Variants in TXNRD1 observed in about 807,000 individuals in gnomAD.
TXNRD1 encodes thioredoxin reductase 1, also known as thioredoxin reductase 1, cytoplasmic.
A neutral mutation model predicts 80.3 loss-of-function variants in TXNRD1; 57 were observed. The observed-to-expected ratio is 0.71, with a 90% confidence interval of 0.57 to 0.89. The LOEUF (loss-of-function observed/expected upper bound fraction) is 0.89, where lower values mean the gene tolerates loss of function less well. Among genes scored for constraint, TXNRD1 ranks in the 40% least tolerant of loss-of-function variants. The pLI is 0.00. For missense variants in TXNRD1, 730 were observed against 803.0 expected (o/e 0.91, Z 1.10); for synonymous variants, 291 against 285.2 (o/e 1.02, Z -0.20).
Position 104,254,642 on chromosome 12 carries a change from AAAATAT to A in TXNRD1, c.243+2966_243+2971del, listed in dbSNP as rs1424865879. Among the ~76,000 whole-genome samples, 8 of 104,554 alleles carry A rather than the reference AAAATAT, an allele frequency of 7.7e-5. No individual in the cohort carries two copies. In the East Asian group the frequency reaches 7.9e-4, roughly 10 times the overall value. 68.6% of individuals were successfully genotyped at this position (104,554 alleles called of 152,430 possible). The stretch of plus-strand genomic sequence containing the variant: ...CTCTATGTCTATGGAAAAAAAAAAA[AAAATAT>A]ATATATATATATATATATCAGCATG... On this transcript the variant is annotated intron_variant, in intron 2 of 16. Transcript: ENST00000525566.
chr12:104,332,659 G>T (rs377050956), intron 14 of TXNRD1, among the ~76,000 whole-genome samples: 1 of 144,924 alleles, frequency 6.9e-6, no homozygotes, highest in Admixed American at 7.3e-5. Flanking sequence ...TGAGGCAGGA[G>T]AATCGCTTGA....
At chr12:104,276,849 A>T (rs1382636026) in intron 3 of TXNRD1, among the ~76,000 whole-genome samples, 1 of 152,224 alleles carries the variant, frequency 6.6e-6, no homozygotes, top group Non-Finnish European at 1.5e-5. Flanking sequence ...GGTTATTGAG[A>T]TGACTGAGAA....
At chr12:104,274,729 AT>A (rs1343135526) in intron 3 of TXNRD1, among the ~76,000 whole-genome samples, 3 of 151,794 alleles carry the variant, frequency 2.0e-5, no homozygotes, top group Non-Finnish European at 2.9e-5. Flanking sequence ...AAAAAAAATA[AT>A]AATAATAAGC....
intron 7 of TXNRD1, among the ~76,000 whole-genome samples, chr12:104,318,597 GA>G (rs770664530): frequency 3.3e-5 from 5 of 152,156 alleles, no homozygotes; most frequent in Non-Finnish European, 5.9e-5. Context: ...TACAAACACA[GA>G]ATCCTAAGCC....
chr12:104,311,297 A>G lies in TXNRD1; in HGVS notation c.422A>G (p.Gln141Arg). 1.9e-6 allele frequency: 3 copies of G among 1,598,670 alleles called. No individual in the cohort carries two copies. Among genetic ancestry groups the G allele is most frequent in the Non-Finnish European group, 1.7e-6 (2 of 1,171,754 alleles). The change falls in exon 5 of 17, where the codon CAG becomes CGG. Residue 141 changes from glutamine to arginine, a missense_variant. By Grantham distance (43) the Gln-to-Arg change is conservative. Transcript: ENST00000525566. ...TCTGTTATTTTTCTTTAGGCTTATCAGGAGGGCAGACTTCAAAAGCTACTA... is the reference window on the plus strand; with the variant it reads ...TCTGTTATTTTTCTTTAGGCTTATCGGGAGGGCAGACTTCAAAAGCTACTA... ...GGHGPTLKAYQEGRLQKLLKM... is the reference protein window; with the variant it reads ...GGHGPTLKAYREGRLQKLLKM...
intron 15 of TXNRD1, 94 bp from the exon 16 acceptor site, chr12:104,339,045 T>C: frequency 6.6e-7 from 1 of 1,508,828 alleles, no homozygotes. Flanking sequence ...GTTGGATTTT[T>C]AAGAAACAGA....
intron 3 of TXNRD1, among the ~76,000 whole-genome samples, chr12:104,271,378 C>G (rs1168668408): frequency 6.6e-6 from 1 of 151,818 alleles, no homozygotes; most frequent in African/African-American, 2.4e-5. Context: ...GGGGTTTCAC[C>G]GTGTTAGCCA....
intron 13 of TXNRD1, among the ~76,000 whole-genome samples, chr12:104,329,272 A>G (rs1319823273): frequency 6.6e-6 from 1 of 151,830 alleles, no homozygotes; most frequent in Non-Finnish European, 1.5e-5. Flanking sequence ...TTGAGATTGG[A>G]TGCACTTAAT....
intron 16 of TXNRD1, among the ~76,000 whole-genome samples, chr12:104,343,203 C>T (rs1035353947): frequency 4.6e-5 from 7 of 152,106 alleles, no homozygotes; most frequent in Non-Finnish European, 7.4e-5. Context: ...ATTTGACAGA[C>T]GAGGAAACCA....
chr12:104,313,267 A>C lies in TXNRD1; in HGVS notation c.560A>C (p.Lys187Thr), dbSNP rs972420538. Residue 187 changes from lysine (K) to threonine (T), a missense_variant, in exon 6 of 17, where the codon AAG becomes ACG. Transcript: ENST00000525566. Reference sequence around the variant, plus strand: ...CAGGAGGCAGCCCAATATGGCAAGAAGGTGATGGTCCTGGACTTTGTCACT... The same window carrying C: ...CAGGAGGCAGCCCAATATGGCAAGACGGTGATGGTCCTGGACTTTGTCACT... ...AAKEAAQYGK[K>T]VMVLDFVTPT... The C allele has an allele frequency of 2.5e-6, 4 of 1,589,762 alleles. No individual in the cohort carries two copies. The highest frequency in any genetic ancestry group is 3.4e-6 in the Non-Finnish European group (4 of 1,166,586).
At chr12:104,330,712 G>A (rs867072333) in intron 13 of TXNRD1, among the ~76,000 whole-genome samples, 1 of 151,786 alleles carries the variant, frequency 6.6e-6, no homozygotes, top group Non-Finnish European at 1.5e-5. Context: ...TCAGCCTCCC[G>A]AGTAGCTGAG....
In TXNRD1 at chr12:104,274,210, A is replaced by G. The variant is rs539617820; in HGVS notation, c.305-14721A>G. On this transcript the variant is annotated intron_variant, in intron 3 of 16. Transcript: ENST00000525566. ...GAGACATAGGTCACTCTCAATTCAA[A>G]CCAGGGCCTAGAGCATTAGAAAGAT... 6.6e-5 allele frequency among the ~76,000 whole-genome samples: 10 copies of G among 152,214 alleles called. No homozygotes were observed. The East Asian group carries it at 1.7e-3, about 26-fold the overall frequency.
At chr12:104,287,336 C>T (rs1211974030) in intron 3 of TXNRD1, 3 of 1,614,032 alleles carry the variant, frequency 1.9e-6, no homozygotes, top group South Asian at 1.1e-5. Flanking sequence ...AAAGCTTCAG[C>T]ATGTCATGTG....
At position 104,315,793 on chromosome 12, in the gene TXNRD1, T is replaced by G; in HGVS notation, c.627T>G (p.Cys209Trp). The G allele has an allele frequency of 6.2e-7, 1 of 1,611,710 alleles. No individual in the cohort carries two copies. The highest frequency in any genetic ancestry group is 8.5e-7 in the Non-Finnish European group (1 of 1,178,480). ...TTGTTGTAGGTCTCGGAGGAACATGTGTGAATGTGGGTTGCATACCTAAAA... is the reference window on the plus strand; with the variant it reads ...TTGTTGTAGGTCTCGGAGGAACATGGGTGAATGTGGGTTGCATACCTAAAA... ...LGTRWGLGGT[C>W]VNVGCIPKKL... Residue 209 changes from cysteine (C) to tryptophan (W), a missense_variant, in exon 7 of 17, where the codon TGT becomes TGG. Cys to Trp is a radical substitution (Grantham distance 215). Coordinates refer to ENST00000525566, the MANE Select transcript of TXNRD1 (RefSeq NM_001093771.3).
intron 3 of TXNRD1, among the ~76,000 whole-genome samples, chr12:104,274,806 C>T (rs1373897806): frequency 6.6e-6 from 1 of 152,044 alleles, no homozygotes; most frequent in Non-Finnish European, 1.5e-5. Context: ...TATGTAACTC[C>T]TTGGCTGGTG....
At chr12:104,327,437 C>G in intron 12 of TXNRD1, 78 bp from the exon 13 acceptor site, 1 of 1,452,874 alleles carries the variant, frequency 6.9e-7, no homozygotes, top group Non-Finnish European at 9.2e-7. Flanking sequence ...TTTGGGCTTC[C>G]CTGAAAAAAC....
chr12:104,231,655 A>G (rs2032626666), intron 1 of TXNRD1, among the ~76,000 whole-genome samples: 2 of 152,196 alleles, frequency 1.3e-5, no homozygotes, highest in Non-Finnish European at 2.9e-5. Flanking sequence ...ACTTGCCAAG[A>G]TATAGAATTT....
At chr12:104,330,888 C>G (rs1335697709) in intron 13 of TXNRD1, among the ~76,000 whole-genome samples, 5 of 151,860 alleles carry the variant, frequency 3.3e-5, no homozygotes, top group Non-Finnish European at 7.4e-5. Flanking sequence ...GCGCCCGGCC[C>G]TAATTGGGAT....
At chr12:104,267,436 C>A (rs974393007) in intron 3 of TXNRD1, among the ~76,000 whole-genome samples, 11 of 151,684 alleles carry the variant, frequency 7.3e-5, no homozygotes, top group African/African-American at 2.2e-4. Context: ...TGCCACCATA[C>A]CCAGCTAATT....
Sources: gnomAD v4.1 joint callset for allele counts (sites outside exome capture counted in the v4.1 genomes callset) on GRCh38, gnomAD v4.1.1 for gene constraint, MANE v1.5 for transcripts, NCBI Gene and HGNC (gene_info 2026-07-23, HGNC 2026-07-21) for gene names.